MYL10: variants seen among roughly 807,000 people sequenced by gnomAD.
The protein encoded by MYL10 is myosin light chain 10, also known as myosin regulatory light chain 10.
Under a neutral mutation model 21.9 loss-of-function variants are expected in MYL10, and 18 were observed. The ratio of observed to expected loss-of-function variants is 0.82; its 90% CI spans 0.57 to 1.22. The LOEUF (loss-of-function observed/expected upper bound fraction) is 1.22. MYL10 is among the 50% of genes most tolerant of loss of function. The pLI, the probability that MYL10 is intolerant of heterozygous loss-of-function variation, is 0.00. For synonymous variants in MYL10, 88 were observed against 82.8 expected (o/e 1.06, Z -0.34); for missense variants, 225 against 230.4 (o/e 0.98, Z 0.15).
intron 1 of MYL10, among the ~76,000 whole-genome samples, chr7:101,627,985 G>A (rs1202849364): frequency 3.3e-5 from 5 of 152,180 alleles, no homozygotes; most frequent in Non-Finnish European, 7.4e-5. Context: ...GGAATAGGGG[G>A]GAGTGTATGA....
intron 5 of MYL10, 102 bp from the exon 6 acceptor site, chr7:101,616,400 C>T (rs577730144): frequency 1.5e-5 from 13 of 852,142 alleles, no homozygotes; most frequent in Middle Eastern, 2.9e-4. Context: ...GCAAGTCCCA[C>T]GGCCCCTGCA....
At chr7:101,624,940 A>C (rs1325801283) in intron 1 of MYL10, among the ~76,000 whole-genome samples, 1 of 150,436 alleles carries the variant, frequency 6.6e-6, no homozygotes, top group Non-Finnish European at 1.5e-5. Flanking sequence ...TCCCCTCCCC[A>C]CATGGCTCCA....
chr7:101,620,355 G>A (rs564342385), intron 5 of MYL10, among the ~76,000 whole-genome samples: 1 of 152,166 alleles, frequency 6.6e-6, no homozygotes, highest in South Asian at 2.1e-4. Context: ...AAAGAGGCAG[G>A]TGGAGGGAGG....
chr7:101,624,634 C>G (rs1796724014), intron 1 of MYL10, among the ~76,000 whole-genome samples: 1 of 152,186 alleles, frequency 6.6e-6, no homozygotes, highest in Non-Finnish European at 1.5e-5. Flanking sequence ...ACCTTATCGC[C>G]AGCTGCTAAA....
At chr7:101,628,817 G>A (rs977110947) in intron 1 of MYL10, among the ~76,000 whole-genome samples, 2 of 152,214 alleles carry the variant, frequency 1.3e-5, no homozygotes, top group Non-Finnish European at 2.9e-5. Flanking sequence ...CTTCAGCCCC[G>A]GGTACAGCTG....
At chr7:101,621,322 G>A (rs1796674751) in intron 5 of MYL10, among the ~76,000 whole-genome samples, 1 of 152,154 alleles carries the variant, frequency 6.6e-6, no homozygotes, top group Non-Finnish European at 1.5e-5. Flanking sequence ...CTGGATCTGA[G>A]TCTCTTCATT....
In MYL10 at chr7:101,622,946, C is replaced by A. The variant is rs748554293; in HGVS notation, c.349+51G>T. 2.5e-6 allele frequency: 4 copies of A among 1,574,276 alleles called. 1 individual carries two copies. In the South Asian group the frequency reaches 4.5e-5, roughly 18 times the overall value. Reference sequence around the variant, plus strand: ...CTGCCCTGCTGGCCCCAACCGCCCACTCTGTCTGGCTGGCCTGGCCCTAAT... The same window carrying A: ...CTGCCCTGCTGGCCCCAACCGCCCAATCTGTCTGGCTGGCCTGGCCCTAAT... On this transcript the variant is annotated intron_variant, in intron 4 of 7. Coordinates refer to ENST00000223167, the MANE Select transcript of MYL10 (RefSeq NM_138403.5).
intron 6 of MYL10, among the ~76,000 whole-genome samples, chr7:101,615,307 C>A (rs533243772): frequency 6.6e-6 from 1 of 152,034 alleles, no homozygotes; most frequent in Non-Finnish European, 1.5e-5. Context: ...TCCATCTCGA[C>A]GGCCATGACC....
chr7:101,625,636 T>C (rs1184268957), intron 1 of MYL10, among the ~76,000 whole-genome samples: 3 of 152,026 alleles, frequency 2.0e-5, no homozygotes, highest in Non-Finnish European at 4.4e-5. Context: ...GGCTGACTTA[T>C]AATTAGCTTT....
Position 101,614,313 on chromosome 7 carries a change from C to T in MYL10, c.534-603G>A, listed in dbSNP as rs369366011. ...CCAGAGTGTCCTCTGGCACCGGCTG[C>T]GGCAGGCCTCGCTAAGGACCAATGC... On this transcript the variant is annotated intron_variant, in intron 6 of 7. Transcript: ENST00000223167. Among the ~76,000 whole-genome samples, 9 of 152,326 alleles carry T rather than the reference C, an allele frequency of 5.9e-5. No homozygotes were observed. In the East Asian group the frequency reaches 1.4e-3, roughly 23 times the overall value.
intron 4 of MYL10, among the ~76,000 whole-genome samples, chr7:101,622,490 TCCTGTG>T (rs1308670047): frequency 6.6e-6 from 1 of 152,126 alleles, no homozygotes; most frequent in Non-Finnish European, 1.5e-5. Context: ...GGCTCAGGGT[TCCTGTG>T]CCCCAGGAGG....
chr7:101,618,532 G>A (rs1436985516), intron 5 of MYL10, among the ~76,000 whole-genome samples: 1 of 152,194 alleles, frequency 6.6e-6, no homozygotes, highest in Non-Finnish European at 1.5e-5. Context: ...CTGTTACCGT[G>A]GCTGGCAGTC....
Position 101,624,277 on chromosome 7 carries a change from A to G in MYL10, c.79-13T>C, listed in dbSNP as rs1292623823. 1.2e-6 allele frequency: 2 copies of G among 1,608,224 alleles called. No homozygotes were observed. Among genetic ancestry groups the G allele is most frequent in the Non-Finnish European group, 1.7e-6 (2 of 1,177,570 alleles). ...CTCTTCTCGGTGCCTGCGAGGTAGC[A>G]GACAAGGCCTTGCAGCGGCCCCTGC... On this transcript the variant is annotated splice_polypyrimidine_tract_variant and intron_variant, in intron 1 of 7. Coordinates refer to ENST00000223167, the MANE Select transcript of MYL10 (RefSeq NM_138403.5).
intron 6 of MYL10, 74 bp from the exon 7 acceptor site, chr7:101,613,784 T>C (rs1796578246): frequency 4.1e-6 from 6 of 1,464,838 alleles, no homozygotes; most frequent in Non-Finnish European, 5.7e-6. Flanking sequence ...CCAGGGGTGA[T>C]GAGGGGCAAG....
At chr7:101,623,694 CAAAAAAAAAAAA>C (rs11337754) in intron 3 of MYL10, among the ~76,000 whole-genome samples, 1 of 66,562 alleles carries the variant, frequency 1.5e-5, no homozygotes, top group African/African-American at 6.2e-5. Flanking sequence ...GACCCTGTCT[CAAAAAAAAAAAA>C]AAAAAAAAAA....
At position 101,629,237 on chromosome 7, in the gene MYL10, C is replaced by T. The variant is rs1796781976; in HGVS notation, c.-119G>A. Reference sequence around the variant, plus strand: ...GGGCATGCGATGGGGGTGTGGCTCGCTTCTTCCATGCCCAGCTGCTCAAAC... The same window carrying T: ...GGGCATGCGATGGGGGTGTGGCTCGTTTCTTCCATGCCCAGCTGCTCAAAC... On this transcript the variant is annotated 5_prime_UTR_variant, in exon 1 of 8. Coordinates refer to ENST00000223167, the MANE Select transcript of MYL10 (RefSeq NM_138403.5). The T allele has an allele frequency of 1.3e-5, 4 of 299,026 alleles. No individual in the cohort carries two copies. Among genetic ancestry groups the T allele is most frequent in the South Asian group, 1.1e-4 (4 of 36,166 alleles). The allele number at this position is 299,026 out of a possible 1,614,324, so 18.5% of individuals were successfully genotyped here. A position where few individuals can be genotyped will look rare whatever the true frequency, so the allele number is the denominator to read the frequency against.
chr7:101,615,989 G>A (rs943404153), intron 6 of MYL10, among the ~76,000 whole-genome samples: 7 of 151,988 alleles, frequency 4.6e-5, no homozygotes, highest in Admixed American at 2.6e-4. Context: ...GTGAGCCACC[G>A]CGCCCAGCCT....
chr7:101,617,957 G>T (rs1396415226), intron 5 of MYL10, among the ~76,000 whole-genome samples: 3 of 150,600 alleles, frequency 2.0e-5, no homozygotes, highest in Non-Finnish European at 4.4e-5. Context: ...ATTAGACTGG[G>T]TCAGGGCCAT....
chr7:101,613,634 G>A (rs141935130), intron 7 of MYL10, 28 bp downstream of exon 7: 84 of 1,613,986 alleles, frequency 5.2e-5, no homozygotes, highest in East Asian at 1.6e-4. Flanking sequence ...CAGAGAATCC[G>A]CCGTGACCCA....
Sources: allele counts gnomAD v4.1 joint callset (sites outside exome capture counted in the v4.1 genomes callset), GRCh38; gene constraint gnomAD v4.1.1; transcripts MANE v1.5; gene names NCBI Gene and HGNC (gene_info 2026-07-23, HGNC 2026-07-21).